The following VAC14 variants were observed in gnomAD, a reference collection of about 807,000 sequenced individuals.
VAC14 encodes VAC14 component of PIKFYVE complex, also known as protein VAC14 homolog.
Under a neutral mutation model 85.3 loss-of-function variants are expected in VAC14, and 47 were observed. The ratio of observed to expected loss-of-function variants is 0.55; its 90% confidence interval spans 0.44 to 0.70. The LOEUF is 0.70. Among genes scored for constraint, VAC14 ranks in the 30% least tolerant of loss-of-function variants. The pLI is 0.00. For missense variants in VAC14, 861 were observed against 1,004.3 expected (o/e 0.86, Z 1.93); for synonymous variants, 447 against 430.5 (o/e 1.04, Z -0.47).
rs554785735 is a variant in VAC14 at position 70,773,456 on chromosome 16, C to T, written c.1097-1284G>A. 6.6e-5 allele frequency among the ~76,000 whole-genome samples: 10 copies of T among 152,246 alleles called. No homozygotes were observed. The South Asian group carries it at 1.5e-3, about 22-fold the overall frequency. On this transcript the variant is annotated intron_variant, in intron 9 of 18. Coordinates refer to ENST00000261776, the MANE Select transcript of VAC14 (RefSeq NM_018052.5). ...TTCTTTTGGCATCTAATCAAGTTTCCTAAAGAGCCAAGATGTTCTAGATCT... is the reference window on the plus strand; with the variant it reads ...TTCTTTTGGCATCTAATCAAGTTTCTTAAAGAGCCAAGATGTTCTAGATCT...
chr16:70,703,364 T>C (rs558098373), intron 14 of VAC14, among the ~76,000 whole-genome samples: 45 of 151,542 alleles, frequency 3.0e-4, no homozygotes, highest in Admixed American at 2.8e-3. Flanking sequence ...TGGGAGGGCA[T>C]AGGGGACCTC....
intron 13 of VAC14, among the ~76,000 whole-genome samples, 192 bp downstream of exon 13, chr16:70,744,231 T>C (rs1420707204): frequency 6.6e-6 from 1 of 152,100 alleles, no homozygotes; most frequent in East Asian, 1.9e-4. Flanking sequence ...TGGAGGCTGC[T>C]AGAGGACTAG....
intron 14 of VAC14, among the ~76,000 whole-genome samples, chr16:70,708,073 A>T (rs1387665764): frequency 6.6e-6 from 1 of 152,084 alleles, no homozygotes; most frequent in Non-Finnish European, 1.5e-5. Context: ...GACAGGCGTG[A>T]GCCACCGCAC....
chr16:70,712,105 T>C (rs1184158178), intron 14 of VAC14, among the ~76,000 whole-genome samples: 4 of 150,704 alleles, frequency 2.7e-5, no homozygotes, highest in African/African-American at 9.8e-5. Flanking sequence ...GCTGAAAAAA[T>C]TCCTTTTGTG....
chr16:70,798,850 AT>A (rs1205794566), intron 1 of VAC14, among the ~76,000 whole-genome samples: 3 of 152,242 alleles, frequency 2.0e-5, no homozygotes, highest in Non-Finnish European at 4.4e-5. Context: ...ACGGTCATTC[AT>A]TTATTCGGAC....
intron 13 of VAC14, among the ~76,000 whole-genome samples, chr16:70,743,570 C>T (rs1254961123): frequency 1.3e-5 from 2 of 152,222 alleles, no homozygotes; most frequent in African/African-American, 2.4e-5. Flanking sequence ...ACTCCGGACA[C>T]ATCTGAACAT....
intron 14 of VAC14, among the ~76,000 whole-genome samples, chr16:70,727,298 A>G (rs2054456899): frequency 6.6e-6 from 1 of 152,238 alleles, no homozygotes; most frequent in African/African-American, 2.4e-5. Flanking sequence ...TCATGCCAGC[A>G]TCTGCGGAAC....
chr16:70,768,019 G>C (rs764475401), intron 10 of VAC14, among the ~76,000 whole-genome samples: 1 of 152,100 alleles, frequency 6.6e-6, no homozygotes, highest in Non-Finnish European at 1.5e-5. Context: ...TAAGCAGTGG[G>C]AACTACAGGA....
At chr16:70,794,605 T>C (rs544892692) in intron 1 of VAC14, among the ~76,000 whole-genome samples, 3 of 152,332 alleles carry the variant, frequency 2.0e-5, no homozygotes, top group East Asian at 3.9e-4. Flanking sequence ...TTTGCAGGAA[T>C]GCGGGCCCCC....
At chr16:70,727,107 C>A (rs2054451491) in intron 14 of VAC14, among the ~76,000 whole-genome samples, 1 of 152,226 alleles carries the variant, frequency 6.6e-6, no homozygotes, top group Non-Finnish European at 1.5e-5. Context: ...GCAGCCGCTC[C>A]AGGTCCCAGA....
intron 14 of VAC14, among the ~76,000 whole-genome samples, chr16:70,718,837 C>T (rs2054223518): frequency 6.6e-6 from 1 of 152,164 alleles, no homozygotes; most frequent in Non-Finnish European, 1.5e-5. Flanking sequence ...AATGCCCAGG[C>T]GATGTGGTGG....
At chr16:70,792,869 AG>A (rs1051898285) in intron 1 of VAC14, among the ~76,000 whole-genome samples, 1 of 152,204 alleles carries the variant, frequency 6.6e-6, no homozygotes, top group Admixed American at 6.5e-5. Context: ...TGAGTATTCC[AG>A]GGGTCAGTTA....
At chr16:70,772,451 G>T in intron 9 of VAC14, 1 of 377,572 alleles carries the variant, frequency 2.6e-6, no homozygotes, top group South Asian at 5.8e-5. Flanking sequence ...CTGGCCTGAG[G>T]GGAATGGATG....
At chr16:70,743,982 G>A (rs541936899) in intron 13 of VAC14, among the ~76,000 whole-genome samples, 2 of 152,144 alleles carry the variant, frequency 1.3e-5, no homozygotes, top group South Asian at 2.1e-4. Context: ...GAATGATGCC[G>A]TCTCCTGCCT....
intron 14 of VAC14, among the ~76,000 whole-genome samples, chr16:70,710,859 T>A (rs549356657): frequency 1.3e-5 from 2 of 152,374 alleles, no homozygotes; most frequent in East Asian, 3.9e-4. Context: ...CTCCTGGTCA[T>A]GGGCCCTGGG....
At chr16:70,790,998 G>A (rs904161241) in intron 1 of VAC14, among the ~76,000 whole-genome samples, 2 of 152,212 alleles carry the variant, frequency 1.3e-5, no homozygotes, top group African/African-American at 2.4e-5. Flanking sequence ...CCGGCAGGAA[G>A]AATCTGTTCC....
At chr16:70,709,326 GAC>G (rs938412456) in intron 14 of VAC14, among the ~76,000 whole-genome samples, 3 of 151,442 alleles carry the variant, frequency 2.0e-5, no homozygotes, top group African/African-American at 7.3e-5. Context: ...CAGAGCCTTA[GAC>G]ACACTTTTCC....
At position 70,762,948 on chromosome 16, in the gene VAC14, A is replaced by G. The variant is rs1257215434; in HGVS notation, c.1238T>C (p.Ile413Thr). The G allele has an allele frequency of 6.2e-7, 1 of 1,614,182 alleles. No individual in the cohort carries two copies. Among genetic ancestry groups the G allele is most frequent in the South Asian group, 1.1e-5 (1 of 91,076 alleles). The change falls in exon 11 of 19, where the codon ATT (isoleucine) becomes ACT (threonine). Residue 413 changes from isoleucine (I) to threonine (T), a missense_variant. Around this residue, in one of 3 missense-constraint regions of VAC14, gnomAD observed 629 missense variants for 703.1 expected, o/e 0.89. Coordinates refer to ENST00000261776, the MANE Select transcript of VAC14 (RefSeq NM_018052.5). This position sits in a 1 kb window ranked among gnomAD's most constrained non-coding sequence, Gnocchi z 4.1. The stretch of plus-strand genomic sequence containing the variant: ...AACTGCAATCCTGGTCATCATCCCA[A>G]TGGCCGTGTCACTGAGGTGGCAGTT... ...VLNCHLSDTA[I>T]GMMTRIAVLK...
At chr16:70,746,730 A>C (rs2030924570) in intron 12 of VAC14, among the ~76,000 whole-genome samples, 1 of 152,194 alleles carries the variant, frequency 6.6e-6, no homozygotes, top group Admixed American at 6.5e-5. Context: ...GTGGCACAGC[A>C]ATGAATGACG....
Sources: allele counts gnomAD v4.1 joint callset (sites outside exome capture counted in the v4.1 genomes callset), GRCh38; gene constraint gnomAD v4.1.1; regional missense constraint gnomAD v4.1.1; non-coding constraint Gnocchi (gnomAD v3.1); transcripts MANE v1.5; gene names NCBI Gene and HGNC (gene_info 2026-07-23, HGNC 2026-07-21).